ZNF609: variants seen among roughly 807,000 people sequenced by gnomAD.
The protein encoded by ZNF609 is zinc finger protein 609.
Under a neutral mutation model 109.5 loss-of-function variants are expected in ZNF609, and 11 were observed. The ratio of observed to expected loss-of-function variants is 0.10; its 90% confidence interval spans 0.06 to 0.17. ZNF609 has a LOEUF of 0.17. Among genes scored for constraint, ZNF609 ranks in the 10% least tolerant of loss-of-function variants. ZNF609 has a pLI of 1.00. For synonymous variants in ZNF609, 646 were observed against 662.0 expected (o/e 0.98, Z 0.37); for missense variants, 1,559 against 1,772.4 (o/e 0.88, Z 2.16).
At chr15:64,571,923 G>A (rs1894865098) in intron 2 of ZNF609, among the ~76,000 whole-genome samples, 1 of 152,164 alleles carries the variant, frequency 6.6e-6, no homozygotes, top group Non-Finnish European at 1.5e-5. Flanking sequence ...CTCACAAAGT[G>A]CTGGTATTAC....
intron 2 of ZNF609, among the ~76,000 whole-genome samples, chr15:64,602,804 G>A (rs554538870): frequency 7.7e-6 from 1 of 130,464 alleles, no homozygotes; most frequent in African/African-American, 2.9e-5. Flanking sequence ...CTCACTGCAA[G>A]CTCTGCCTCC....
In ZNF609 at chr15:64,465,977, T is replaced by C. The variant is rs1231778959; in HGVS notation, c.-128+5139T>C. Among the ~76,000 whole-genome samples the C allele has an allele frequency of 2.6e-5, 4 of 151,486 alleles. No individual in the cohort carries two copies. In the East Asian group the frequency reaches 7.8e-4, roughly 30 times the overall value. On this transcript the variant is annotated intron_variant, in intron 1 of 9. Coordinates refer to ENST00000326648, the MANE Select transcript of ZNF609 (RefSeq NM_015042.2). ...CTAATAATACAAAAATTAGCCAGGC[T>C]TGGTGGTGCACTCCTGTAATTCCAG...
intron 2 of ZNF609, among the ~76,000 whole-genome samples, chr15:64,618,527 G>C (rs1045765181): frequency 3.9e-5 from 6 of 152,132 alleles, no homozygotes; most frequent in African/African-American, 1.4e-4. Context: ...TTCTTGTCTT[G>C]GTGTACTGGA....
At chr15:64,590,121 C>T (rs1274270222) in intron 2 of ZNF609, among the ~76,000 whole-genome samples, 1 of 152,162 alleles carries the variant, frequency 6.6e-6, no homozygotes. Context: ...CTGCCAACTA[C>T]TTGCTGATTA....
chr15:64,624,863 G>A (rs1053141711), intron 3 of ZNF609, among the ~76,000 whole-genome samples: 2 of 149,946 alleles, frequency 1.3e-5, no homozygotes, highest in African/African-American at 2.4e-5. Flanking sequence ...AGGTTCAAGC[G>A]ATTCTTCTCT....
At chr15:64,542,389 C>G (rs1894279819) in intron 2 of ZNF609, among the ~76,000 whole-genome samples, 1 of 152,098 alleles carries the variant, frequency 6.6e-6, no homozygotes, top group Admixed American at 6.6e-5. Flanking sequence ...TCTTCCAAGG[C>G]CAATTTTTTC....
At chr15:64,547,459 T>C (rs1176634964) in intron 2 of ZNF609, among the ~76,000 whole-genome samples, 3 of 152,238 alleles carry the variant, frequency 2.0e-5, no homozygotes, top group Non-Finnish European at 4.4e-5. Context: ...ATAATAATTC[T>C]ATGTAGAATT....
upstream of ZNF609, among the ~76,000 whole-genome samples, chr15:64,460,291 C>A (rs1892917264): frequency 6.6e-6 from 1 of 152,168 alleles, no homozygotes; most frequent in Non-Finnish European, 1.5e-5. Flanking sequence ...TCTGATCCAG[C>A]GAGAGTTCTA....
chr15:64,477,012 T>G (rs1893179701), intron 1 of ZNF609, among the ~76,000 whole-genome samples: 1 of 152,132 alleles, frequency 6.6e-6, no homozygotes, highest in East Asian at 1.9e-4. Context: ...TTAGCTGTGT[T>G]TTGGAAGTCT....
At chr15:64,537,723 A>G (rs1431001510) in intron 2 of ZNF609, among the ~76,000 whole-genome samples, 1 of 152,244 alleles carries the variant, frequency 6.6e-6, no homozygotes, top group Non-Finnish European at 1.5e-5. Flanking sequence ...AAGTGTTTAT[A>G]TACTGTGGCC....
chr15:64,625,888 C>CA (rs869043429), intron 3 of ZNF609, among the ~76,000 whole-genome samples: 9 of 26,324 alleles, frequency 3.4e-4, no homozygotes, highest in South Asian at 1.8e-3. Flanking sequence ...GACTCCATCT[C>CA]AAAAAAAAAA....
chr15:64,639,737 A>G (rs1279802348), intron 3 of ZNF609, among the ~76,000 whole-genome samples: 1 of 152,174 alleles, frequency 6.6e-6, no homozygotes, highest in Non-Finnish European at 1.5e-5. Context: ...GGACAGGGAC[A>G]CAGTTCAATT....
chr15:64,480,654 G>C (rs1210385272), intron 1 of ZNF609, among the ~76,000 whole-genome samples: 1 of 152,118 alleles, frequency 6.6e-6, no homozygotes, highest in Non-Finnish European at 1.5e-5. Flanking sequence ...GAATGATAGA[G>C]GCAGCAAGTG....
At chr15:64,615,124 T>C (rs1895779602) in intron 2 of ZNF609, among the ~76,000 whole-genome samples, 1 of 149,712 alleles carries the variant, frequency 6.7e-6, no homozygotes, top group Admixed American at 6.7e-5. Flanking sequence ...GCCTGTTTTG[T>C]TTTGTTTTGT....
At chr15:64,665,829 C>G (rs1896637824) in intron 3 of ZNF609, among the ~76,000 whole-genome samples, 1 of 151,892 alleles carries the variant, frequency 6.6e-6, no homozygotes, top group African/African-American at 2.4e-5. Context: ...TTGCTTGAAC[C>G]TGGGAGGCGG....
chr15:64,670,546 A>G (rs1896710594), intron 4 of ZNF609, 113 bp downstream of exon 4: 5 of 895,108 alleles, frequency 5.6e-6, no homozygotes, highest in Non-Finnish European at 9.2e-6. Context: ...ACATGATGGT[A>G]TAGATACCAG....
At chr15:64,580,556 C>CTTTT (rs66976954) in intron 2 of ZNF609, among the ~76,000 whole-genome samples, 11 of 144,240 alleles carry the variant, frequency 7.6e-5, no homozygotes, top group Non-Finnish European at 1.5e-5. Context: ...CTTTTCTTTT[C>CTTTT]TTTTTTTTTT....
intron 2 of ZNF609, among the ~76,000 whole-genome samples, chr15:64,549,289 C>T (rs1299435301): frequency 6.6e-6 from 1 of 152,122 alleles, no homozygotes; most frequent in Non-Finnish European, 1.5e-5. Context: ...CTCCCGGGTT[C>T]AAGCAATTCT....
intron 2 of ZNF609, among the ~76,000 whole-genome samples, chr15:64,553,657 G>A (rs1227097007): frequency 6.6e-6 from 1 of 151,416 alleles, no homozygotes; most frequent in Non-Finnish European, 1.5e-5. Context: ...GGAGTGCAGT[G>A]GCGCAATCTT....
Sources: gnomAD v4.1 joint callset for allele counts (sites outside exome capture counted in the v4.1 genomes callset) on GRCh38, gnomAD v4.1.1 for gene constraint, MANE v1.5 for transcripts, NCBI Gene and HGNC (gene_info 2026-07-23, HGNC 2026-07-21) for gene names.